PDE7B: variants seen among roughly 807,000 people sequenced by gnomAD.
The protein encoded by PDE7B is 3',5'-cyclic-AMP phosphodiesterase 7B.
In PDE7B, 29 loss-of-function variants were observed where a neutral mutation model predicts 56.2. The ratio of observed to expected loss-of-function variants is 0.52; its 90% CI spans 0.38 to 0.70. The LOEUF (loss-of-function observed/expected upper bound fraction) is 0.70, where lower values mean the gene tolerates loss of function less well. PDE7B is among the 30% of genes least tolerant of loss of function. The pLI, the probability that PDE7B is intolerant of heterozygous loss-of-function variation, is 0.00. For synonymous variants in PDE7B, 197 were observed against 196.9 expected, an observed-to-expected ratio of 1.00 and a Z score of 0.00; for missense variants, 490 against 565.0, an observed-to-expected ratio of 0.87 and a Z score of 1.35.
chr6:136,058,720 AAG>A (rs891422046), intron 2 of PDE7B, among the ~76,000 whole-genome samples: 1 of 152,138 alleles, frequency 6.6e-6, no homozygotes, highest in Non-Finnish European at 1.5e-5. Flanking sequence ...GGGAAAATGT[AAG>A]AGAGGGGATG....
intron 2 of PDE7B, among the ~76,000 whole-genome samples, chr6:136,021,411 G>A (rs529318301): frequency 2.0e-5 from 3 of 152,290 alleles, no homozygotes; most frequent in South Asian, 4.2e-4. Context: ...TTGGGAGGCT[G>A]AGGCAGGTGG....
chr6:136,146,435 C>G (rs1778413784), intron 3 of PDE7B, among the ~76,000 whole-genome samples: 1 of 152,184 alleles, frequency 6.6e-6, no homozygotes, highest in Non-Finnish European at 1.5e-5. Flanking sequence ...TAAAATATCT[C>G]TACTGGCAAG....
chr6:135,907,723 C>A (rs988164710), intron 1 of PDE7B, among the ~76,000 whole-genome samples: 2 of 151,844 alleles, frequency 1.3e-5, no homozygotes, highest in Admixed American at 1.3e-4. Flanking sequence ...AATAATATTC[C>A]TAAAAATACA....
intron 1 of PDE7B, among the ~76,000 whole-genome samples, chr6:135,933,680 A>ATT (rs1774333303): frequency 1.3e-5 from 2 of 152,166 alleles, no homozygotes; most frequent in Admixed American, 1.3e-4. Context: ...AAAATCTCCT[A>ATT]GTTTGCTAAC....
At chr6:135,896,653 C>T (rs555761894) in intron 1 of PDE7B, among the ~76,000 whole-genome samples, 14 of 151,976 alleles carry the variant, frequency 9.2e-5, no homozygotes, top group Non-Finnish European at 1.2e-4. Flanking sequence ...AAAAAGGAGA[C>T]GCAGAGAGGT....
chr6:135,999,635 T>C lies in PDE7B; in HGVS notation c.82+52111T>C, dbSNP rs185048498. Among the ~76,000 whole-genome samples, 1,022 of 152,266 alleles carry C rather than the reference T, an allele frequency of 6.7e-3. 9 individuals carry two copies. The highest frequency in any genetic ancestry group is 0.023 in the African/African-American group (963 of 41,542). ...TGCATAGTATTCCATTATGTATATA[T>C]ACAACATTTTCCTTATCTAGTCTGT... On this transcript the variant is annotated intron_variant, in intron 2 of 12. Transcript: ENST00000308191.
intron 2 of PDE7B, among the ~76,000 whole-genome samples, chr6:136,004,853 C>T (rs1313228214): frequency 1.6e-4 from 24 of 152,016 alleles, no homozygotes; most frequent in Non-Finnish European, 2.9e-4. Flanking sequence ...GAAAAAACTA[C>T]TTTAAAGTTC....
chr6:136,076,343 G>A (rs1007721852), intron 2 of PDE7B, among the ~76,000 whole-genome samples: 2 of 152,100 alleles, frequency 1.3e-5, no homozygotes, highest in Non-Finnish European at 2.9e-5. Flanking sequence ...CATCATGGCA[G>A]TTGTCTGTAA....
intron 2 of PDE7B, among the ~76,000 whole-genome samples, chr6:136,083,027 T>C (rs527374639): frequency 6.6e-6 from 1 of 152,322 alleles, no homozygotes; most frequent in South Asian, 2.1e-4. Context: ...CAGGTGACAG[T>C]GGGACAGCCA....
chr6:136,177,573 A>G (rs1430196401), intron 9 of PDE7B, among the ~76,000 whole-genome samples: 3 of 152,248 alleles, frequency 2.0e-5, no homozygotes, highest in South Asian at 4.1e-4. Flanking sequence ...AACAAAATTC[A>G]TATTAAAACT....
chr6:136,165,824 T>C (rs1437900593), intron 8 of PDE7B, among the ~76,000 whole-genome samples: 1 of 152,182 alleles, frequency 6.6e-6, no homozygotes, highest in Non-Finnish European at 1.5e-5. Flanking sequence ...CACCTAGTTA[T>C]AAAGGAGGCT....
intron 12 of PDE7B, among the ~76,000 whole-genome samples, 181 bp downstream of exon 12, chr6:136,187,297 A>G (rs1779158768): frequency 6.6e-6 from 1 of 152,232 alleles, no homozygotes; most frequent in African/African-American, 2.4e-5. Flanking sequence ...CTAATTATCT[A>G]TTGAGAACTT....
At chr6:136,045,727 C>G (rs367998647) in intron 2 of PDE7B, among the ~76,000 whole-genome samples, 15 of 152,038 alleles carry the variant, frequency 9.9e-5, no homozygotes, top group East Asian at 5.8e-4. Flanking sequence ...TCAAGAGAGA[C>G]CGAGTCGCAG....
intron 9 of PDE7B, among the ~76,000 whole-genome samples, chr6:136,178,513 C>A (rs1014958240): frequency 5.9e-5 from 9 of 152,110 alleles, no homozygotes; most frequent in Non-Finnish European, 1.3e-4. Flanking sequence ...TCCAGAATCT[C>A]TTCCTGGCCT....
chr6:135,959,092 A>C (rs1466706174), intron 2 of PDE7B, among the ~76,000 whole-genome samples: 1 of 152,142 alleles, frequency 6.6e-6, no homozygotes, highest in African/African-American at 2.4e-5. Context: ...TTGCCATTTT[A>C]GCTTTACCTA....
rs117761522 is a variant in PDE7B at position 136,150,197 on chromosome 6, A to G, written c.383-963A>G. Reference sequence around the variant, plus strand: ...GGAGAAGTCAAAGAGCCTCACAAGTATATGAAGTATATACCACACATATCT... The same window carrying G: ...GGAGAAGTCAAAGAGCCTCACAAGTGTATGAAGTATATACCACACATATCT... On this transcript the variant is annotated intron_variant, in intron 5 of 12. Coordinates refer to ENST00000308191, the MANE Select transcript of PDE7B (RefSeq NM_018945.4). 5.6e-3 allele frequency among the ~76,000 whole-genome samples: 850 copies of G among 151,798 alleles called. 8 individuals are homozygous for G. Among genetic ancestry groups the G allele is most frequent in the Middle Eastern group, 0.01 (3 of 294 alleles).
intron 2 of PDE7B, among the ~76,000 whole-genome samples, chr6:136,006,587 G>A (rs1256123505): frequency 6.6e-6 from 1 of 151,952 alleles, no homozygotes; most frequent in Non-Finnish European, 1.5e-5. Context: ...TAGTTTCTTT[G>A]AGCAGTGTTT....
intron 3 of PDE7B, among the ~76,000 whole-genome samples, chr6:136,124,043 C>T (rs565498509): frequency 6.6e-6 from 1 of 152,210 alleles, no homozygotes; most frequent in African/African-American, 2.4e-5. Flanking sequence ...GAACAGTTCT[C>T]ACCATCTTAA....
At chr6:135,876,274 A>T (rs1775490805) in intron 1 of PDE7B, among the ~76,000 whole-genome samples, 1 of 152,114 alleles carries the variant, frequency 6.6e-6, no homozygotes, top group Non-Finnish European at 1.5e-5. Flanking sequence ...TGGCCTCCGC[A>T]CACACCTGTG....
Sources: gnomAD v4.1 joint callset for allele counts (sites outside exome capture counted in the v4.1 genomes callset) on GRCh38, gnomAD v4.1.1 for gene constraint, MANE v1.5 for transcripts, NCBI Gene and HGNC (gene_info 2026-07-23, HGNC 2026-07-21) for gene names.